Variants in MRTFA observed in about 807,000 individuals in gnomAD.
MRTFA encodes the protein myocardin related transcription factor A.
MRTFA carries 20 observed loss-of-function variants against 83.5 expected under a neutral mutation model. The ratio of observed to expected loss-of-function variants is 0.24; its 90% CI spans 0.17 to 0.35. The LOEUF (loss-of-function observed/expected upper bound fraction) is 0.35. Among genes scored for constraint, MRTFA ranks in the 10% least tolerant of loss-of-function variants. MRTFA has a pLI of 1.00. For missense variants in MRTFA, 1,200 were observed against 1,224.7 expected (o/e 0.98, Z 0.30); for synonymous variants, 659 against 541.2 (o/e 1.22, Z -3.02).
At chr22:40,536,958 A>G (rs1270618964) in intron 3 of MRTFA, among the ~76,000 whole-genome samples, 1 of 83,384 alleles carries the variant, frequency 1.2e-5, no homozygotes, top group Non-Finnish European at 2.5e-5. Context: ...CAGCCACCCC[A>G]TCTGGGAAGT....
At chr22:40,415,172 C>T (rs1227896890) in intron 14 of MRTFA, 1 of 152,360 alleles carries the variant, frequency 6.6e-6, no homozygotes, top group African/African-American at 2.4e-5. Context: ...AAGCCTGTTC[C>T]CTTTTCCTTC....
intron 3 of MRTFA, among the ~76,000 whole-genome samples, chr22:40,509,611 A>AT (rs2054634782): frequency 6.6e-6 from 1 of 152,206 alleles, no homozygotes; most frequent in Non-Finnish European, 1.5e-5. Context: ...CTCGGCCTGA[A>AT]TTTTTGTTTA....
intron 3 of MRTFA, among the ~76,000 whole-genome samples, chr22:40,539,869 CAGTT>C (rs1487215670): frequency 6.6e-6 from 1 of 150,622 alleles, no homozygotes; most frequent in African/African-American, 2.4e-5. Context: ...TCCTTAATAT[CAGTT>C]AAACAATCGG....
At chr22:40,506,144 G>A (rs990834338) in intron 3 of MRTFA, among the ~76,000 whole-genome samples, 1 of 152,132 alleles carries the variant, frequency 6.6e-6, no homozygotes, top group Non-Finnish European at 1.5e-5. Context: ...TGAGGCAGGA[G>A]AATGGTGTGA....
At chr22:40,484,166 GA>G (rs11301424) in intron 3 of MRTFA, among the ~76,000 whole-genome samples, 21,151 of 145,322 alleles carry the variant, frequency 0.15, 1,647 homozygotes, top group Non-Finnish European at 0.19. Flanking sequence ...TATGGATAAA[GA>G]AAAAAAAAAC....
chr22:40,575,714 C>A (rs2055857741), intron 2 of MRTFA, among the ~76,000 whole-genome samples: 1 of 152,224 alleles, frequency 6.6e-6, no homozygotes. Context: ...CAAGCCAACA[C>A]CACCACTTAC....
chr22:40,574,447 T>C (rs1037426342), intron 2 of MRTFA, among the ~76,000 whole-genome samples: 1 of 151,954 alleles, frequency 6.6e-6, no homozygotes, highest in Non-Finnish European at 1.5e-5. Context: ...ATTATTTTTT[T>C]TTTTTGAGAT....
At chr22:40,505,549 T>G (rs1426263149) in intron 3 of MRTFA, among the ~76,000 whole-genome samples, 1 of 152,226 alleles carries the variant, frequency 6.6e-6, no homozygotes, top group East Asian at 1.9e-4. Context: ...ATGCCATGGT[T>G]TGAATATGTC....
At chr22:40,500,211 G>A (rs1381878146) in intron 3 of MRTFA, among the ~76,000 whole-genome samples, 2 of 149,930 alleles carry the variant, frequency 1.3e-5, no homozygotes, top group African/African-American at 2.4e-5. Context: ...TTACAGGCAT[G>A]AGCCACCGCG....
chr22:40,425,371 C>G (rs1173095305), intron 7 of MRTFA, among the ~76,000 whole-genome samples: 2 of 152,210 alleles, frequency 1.3e-5, no homozygotes, highest in Non-Finnish European at 2.9e-5. Context: ...GTGGTGAAGG[C>G]AGGGGTGAGC....
chr22:40,560,464 C>A (rs2055597122), intron 2 of MRTFA, among the ~76,000 whole-genome samples: 1 of 152,234 alleles, frequency 6.6e-6, no homozygotes, highest in South Asian at 2.1e-4. Context: ...TGAAAGAGCC[C>A]ACAGGATAAA....
chr22:40,485,363 C>T (rs1055909292), intron 3 of MRTFA, among the ~76,000 whole-genome samples: 1 of 152,146 alleles, frequency 6.6e-6, no homozygotes, highest in Non-Finnish European at 1.5e-5. Context: ...TTTTCCTCTG[C>T]CTCTTCGATG....
At chr22:40,472,463 G>A (rs1313240180) in intron 3 of MRTFA, among the ~76,000 whole-genome samples, 3 of 152,084 alleles carry the variant, frequency 2.0e-5, no homozygotes, top group Non-Finnish European at 4.4e-5. Flanking sequence ...GCTGTGTTTT[G>A]AACAATGATT....
intron 3 of MRTFA, among the ~76,000 whole-genome samples, chr22:40,520,048 A>G (rs1225150810): frequency 6.6e-6 from 1 of 152,208 alleles, no homozygotes; most frequent in Non-Finnish European, 1.5e-5. Flanking sequence ...ACGACAATAA[A>G]GAGATATATT....
At chr22:40,571,257 A>T (rs2055788999) in intron 2 of MRTFA, among the ~76,000 whole-genome samples, 1 of 152,078 alleles carries the variant, frequency 6.6e-6, no homozygotes, top group African/African-American at 2.4e-5. Flanking sequence ...CTCACACCAT[A>T]CACAAACATT....
chr22:40,459,155 G>A (rs1176960263), intron 4 of MRTFA, among the ~76,000 whole-genome samples: 3 of 149,938 alleles, frequency 2.0e-5, no homozygotes, highest in East Asian at 2.0e-4. Flanking sequence ...GTGTTGGGGC[G>A]GCAGAGGATG....
chr22:40,496,492 A>G (rs982216746), intron 3 of MRTFA, among the ~76,000 whole-genome samples: 2 of 150,168 alleles, frequency 1.3e-5, no homozygotes, highest in African/African-American at 2.5e-5. Context: ...TGTCTTTATA[A>G]TAAGCCAAAA....
chr22:40,557,404 A>C (rs894942167), intron 2 of MRTFA, among the ~76,000 whole-genome samples: 6 of 152,184 alleles, frequency 3.9e-5, no homozygotes, highest in Admixed American at 1.3e-4. Context: ...CTTAACTGAT[A>C]TTTCTGATAC....
Position 40,543,683 on chromosome 22 carries a change from C to T in MRTFA, c.241+8423G>A, listed in dbSNP as rs561054207. ...AAATCTAACTAAAGATGTGTAAGATCATCACAGAGAAAAATTTTAAAAACC... is the reference window on the plus strand; with the variant it reads ...AAATCTAACTAAAGATGTGTAAGATTATCACAGAGAAAAATTTTAAAAACC... On this transcript the variant is annotated intron_variant, in intron 3 of 14. Transcript: ENST00000355630. Among the ~76,000 whole-genome samples, 5 of 152,236 alleles carry T rather than the reference C, an allele frequency of 3.3e-5. No individual in the cohort carries two copies. The South Asian group carries it at 8.3e-4, about 25-fold the overall frequency.
Sources: allele counts gnomAD v4.1 joint callset (sites outside exome capture counted in the v4.1 genomes callset), GRCh38; gene constraint gnomAD v4.1.1; transcripts MANE v1.5; gene names NCBI Gene and HGNC (gene_info 2026-07-23, HGNC 2026-07-21).